Variants in BBS9 observed in about 807,000 individuals in gnomAD.
The protein encoded by BBS9 is protein PTHB1.
Under a neutral mutation model 117.7 loss-of-function variants are expected in BBS9, and 89 were observed. The observed-to-expected ratio is 0.76, with a 90% confidence interval of 0.64 to 0.90. The LOEUF (loss-of-function observed/expected upper bound fraction) is 0.90. BBS9 is among the 40% of genes least tolerant of loss of function. The pLI, the probability that BBS9 is intolerant of heterozygous loss-of-function variation, is 0.00. For missense variants in BBS9, 982 were observed against 1,042.2 expected (o/e 0.94, Z 0.80); for synonymous variants, 379 against 370.9 (o/e 1.02, Z -0.25).
At chr7:33,175,281 C>T (rs1216427712) in intron 4 of BBS9, among the ~76,000 whole-genome samples, 1 of 151,432 alleles carries the variant, frequency 6.6e-6, no homozygotes, top group East Asian at 1.9e-4. Context: ...TCCTGTGCAA[C>T]AGAGTGAGAC....
At chr7:33,619,127 A>G (rs1865283856) in intron 21 of BBS9, among the ~76,000 whole-genome samples, 1 of 152,170 alleles carries the variant, frequency 6.6e-6, no homozygotes, top group Non-Finnish European at 1.5e-5. Context: ...ACCTTTAAAA[A>G]TACACATAGC....
At chr7:33,296,979 A>G (rs1805407900) in intron 9 of BBS9, among the ~76,000 whole-genome samples, 1 of 152,198 alleles carries the variant, frequency 6.6e-6, no homozygotes, top group Non-Finnish European at 1.5e-5. Flanking sequence ...TATCTTCAAA[A>G]GTTGCAGAGT....
chr7:33,487,133 A>G (rs1843221092), intron 19 of BBS9, among the ~76,000 whole-genome samples: 1 of 152,180 alleles, frequency 6.6e-6, no homozygotes, highest in Admixed American at 6.5e-5. Context: ...TGTCCCCTCT[A>G]CCCTGTATAA....
intron 20 of BBS9, among the ~76,000 whole-genome samples, chr7:33,530,717 T>C (rs981636346): frequency 6.6e-5 from 10 of 152,206 alleles, no homozygotes; most frequent in African/African-American, 2.4e-4. Context: ...TATTATTCTT[T>C]AGTGATTTGG....
intron 20 of BBS9, among the ~76,000 whole-genome samples, chr7:33,509,515 A>G (rs1846613593): frequency 6.6e-6 from 1 of 152,298 alleles, no homozygotes; most frequent in Non-Finnish European, 1.5e-5. Flanking sequence ...TCTGAATGTA[A>G]TTTAGATGGT....
chr7:33,533,483 C>G (rs1394752900), intron 20 of BBS9, among the ~76,000 whole-genome samples: 1 of 152,328 alleles, frequency 6.6e-6, no homozygotes, highest in East Asian at 1.9e-4. Flanking sequence ...AGGGTTTTCC[C>G]TCCATTCCAG....
intron 9 of BBS9, among the ~76,000 whole-genome samples, chr7:33,303,808 G>A (rs907223382): frequency 5.9e-5 from 9 of 151,834 alleles, no homozygotes; most frequent in African/African-American, 2.2e-4. Context: ...CTCACTCAGT[G>A]CTCAATGTGG....
intron 9 of BBS9, among the ~76,000 whole-genome samples, chr7:33,332,473 T>G (rs1246553909): frequency 6.6e-6 from 1 of 152,126 alleles, no homozygotes; most frequent in Non-Finnish European, 1.5e-5. Context: ...GGTCAGGAGT[T>G]CGAGACCAGC....
intron 21 of BBS9, among the ~76,000 whole-genome samples, chr7:33,611,919 G>A (rs1035624664): frequency 1.3e-5 from 2 of 148,442 alleles, no homozygotes; most frequent in Admixed American, 6.8e-5. Context: ...ATATTAAGAA[G>A]TTAACATTTC....
chr7:33,189,664 G>A (rs558669370), intron 5 of BBS9, among the ~76,000 whole-genome samples: 30 of 151,690 alleles, frequency 2.0e-4, no homozygotes, highest in African/African-American at 7.0e-4. Flanking sequence ...GAGGGGGGCG[G>A]ATCACGAGGT....
chr7:33,553,173 C>T (rs769827253), intron 21 of BBS9, among the ~76,000 whole-genome samples: 1 of 152,142 alleles, frequency 6.6e-6, no homozygotes, highest in African/African-American at 2.4e-5. Flanking sequence ...TTCTGTGACC[C>T]CTATTATTCT....
chr7:33,404,794 G>C (rs1829613364), intron 19 of BBS9, among the ~76,000 whole-genome samples: 1 of 151,944 alleles, frequency 6.6e-6, no homozygotes, highest in African/African-American at 2.4e-5. Flanking sequence ...CTGCAAACAG[G>C]GACAATTTGA....
chr7:33,633,800 G>A (rs750694425), intron 21 of BBS9, among the ~76,000 whole-genome samples: 1 of 152,130 alleles, frequency 6.6e-6, no homozygotes, highest in African/African-American at 2.4e-5. Flanking sequence ...TCAATAAAAG[G>A]GAGACTTTTT....
chr7:33,476,594 G>T (rs370281117), intron 19 of BBS9, among the ~76,000 whole-genome samples: 2 of 152,186 alleles, frequency 1.3e-5, no homozygotes, highest in Non-Finnish European at 2.9e-5. Context: ...CCAGCCTGAG[G>T]GGGTGGTATT....
chr7:33,288,940 A>T (rs1803449013), intron 9 of BBS9, among the ~76,000 whole-genome samples: 1 of 152,184 alleles, frequency 6.6e-6, no homozygotes, highest in South Asian at 2.1e-4. Context: ...TCATAAGAAA[A>T]CATGTAAACA....
intron 19 of BBS9, among the ~76,000 whole-genome samples, chr7:33,447,019 G>T (rs1837096906): frequency 6.6e-6 from 1 of 152,196 alleles, no homozygotes; most frequent in Non-Finnish European, 1.5e-5. Context: ...GAATTTATAT[G>T]ATAATCAAAG....
intron 21 of BBS9, among the ~76,000 whole-genome samples, chr7:33,631,039 G>A (rs777834286): frequency 2.6e-5 from 4 of 152,166 alleles, no homozygotes; most frequent in Non-Finnish European, 5.9e-5. Flanking sequence ...AAGCACAGGG[G>A]GTGATACAGG....
intron 21 of BBS9, among the ~76,000 whole-genome samples, chr7:33,634,235 C>T (rs1440573324): frequency 6.6e-6 from 1 of 152,184 alleles, no homozygotes; most frequent in Non-Finnish European, 1.5e-5. Context: ...TTGGCTAAAG[C>T]ACTCTGCCAA....
At chr7:33,363,240 C>T (rs6970919) in intron 16 of BBS9, among the ~76,000 whole-genome samples, 11,331 of 152,122 alleles carry the variant, frequency 0.074, 484 homozygotes, top group East Asian at 0.14. Context: ...GTAGTTGGGA[C>T]TACAGGCACA....
Sources: allele counts gnomAD v4.1 joint callset (sites outside exome capture counted in the v4.1 genomes callset), GRCh38; gene constraint gnomAD v4.1.1; transcripts MANE v1.5; gene names NCBI Gene and HGNC (gene_info 2026-07-23, HGNC 2026-07-21).